MAP7: variants seen among roughly 807,000 people sequenced by gnomAD.
The protein encoded by MAP7 is microtubule associated protein 7.
MAP7 carries 52 observed loss-of-function variants against 94.8 expected under a neutral mutation model. The ratio of observed to expected loss-of-function variants is 0.55; its 90% CI spans 0.44 to 0.69. MAP7 has a LOEUF of 0.69. Among genes scored for constraint, MAP7 ranks in the 30% least tolerant of loss-of-function variants. The probability of loss-of-function intolerance (pLI) is 0.00; values close to 1 mark genes in which losing one functional copy is unlikely to be tolerated. For synonymous variants in MAP7, 350 were observed against 357.0 expected (o/e 0.98, Z 0.22); for missense variants, 940 against 964.6 (o/e 0.97, Z 0.34).
At chr6:136,435,294 G>A (rs1796094904) in intron 1 of MAP7, among the ~76,000 whole-genome samples, 3 of 152,110 alleles carry the variant, frequency 2.0e-5, no homozygotes, top group Admixed American at 2.0e-4. Context: ...TGCGTCCCAG[G>A]GGGCAAAGGG....
At chr6:136,374,280 G>T (rs1254504281) in intron 7 of MAP7, among the ~76,000 whole-genome samples, 1 of 152,168 alleles carries the variant, frequency 6.6e-6, no homozygotes, top group Non-Finnish European at 1.5e-5. Context: ...TGGGATCACA[G>T]GAAAAACTCT....
chr6:136,456,717 A>G (rs1316911399), intron 1 of MAP7, among the ~76,000 whole-genome samples: 3 of 147,834 alleles, frequency 2.0e-5, no homozygotes, highest in Non-Finnish European at 4.5e-5. Flanking sequence ...AGAAGAGGAG[A>G]AGAAAGAAGA....
In MAP7 at chr6:136,360,020, C is replaced by A. The variant is rs746304220; in HGVS notation, c.1815G>T (p.Glu605Asp). 16 of 1,612,596 alleles carry A rather than the reference C, an allele frequency of 9.9e-6. No homozygotes were observed. The highest frequency in any genetic ancestry group is 1.4e-5 in the Non-Finnish European group (16 of 1,179,604). The change falls in exon 14 of 18, where the codon GAG (glutamate) becomes GAT (aspartate). Residue 605 changes from glutamate (E) to aspartate (D), a missense_variant. Glu to Asp is a conservative substitution (Grantham distance 45). Coordinates refer to ENST00000354570, the MANE Select transcript of MAP7 (RefSeq NM_003980.6). Reference sequence around the variant, plus strand: ...CTGTTCTCCTGGTTCTTTTCATAATCTCCTCAAGTCGCTATAGGAAAGGAA... The same window carrying A: ...CTGTTCTCCTGGTTCTTTTCATAATATCCTCAAGTCGCTATAGGAAAGGAA... ...ERLERKKRLE[E>D]IMKRTRRTEA...
At chr6:136,529,835 G>T (rs1238243084) in intron 1 of MAP7, among the ~76,000 whole-genome samples, 4 of 152,294 alleles carry the variant, frequency 2.6e-5, no homozygotes, top group African/African-American at 9.6e-5. Flanking sequence ...ATAAATTTAT[G>T]TCTCTTTGTC....
chr6:136,479,276 G>C (rs1411293760), intron 1 of MAP7, among the ~76,000 whole-genome samples: 1 of 152,174 alleles, frequency 6.6e-6, no homozygotes, highest in African/African-American at 2.4e-5. Context: ...TATTTCAAGT[G>C]ATGCTGAAAA....
chr6:136,481,467 A>T (rs1210089847), intron 1 of MAP7, among the ~76,000 whole-genome samples: 1 of 152,262 alleles, frequency 6.6e-6, no homozygotes, highest in Admixed American at 6.5e-5. Flanking sequence ...TATTTGCTAC[A>T]ACATGGATGG....
chr6:136,361,129 C>A lies in MAP7; in HGVS notation c.1577G>T (p.Arg526Leu). 1 of 1,605,606 alleles carries A rather than the reference C, an allele frequency of 6.2e-7. No individual in the cohort carries two copies. The highest frequency in any genetic ancestry group is 1.3e-5 in the African/African-American group (1 of 75,072). The change falls in exon 12 of 18, where the codon CGC becomes CTC. Residue 526 changes from arginine (R) to leucine (L), a missense_variant. Transcript: ENST00000354570. ...AQRVAEERTT[R>L]REEESRRLEA... ...CAGCCTGCGCGACTCCTCCTCACGG[C>A]GAGTCGTCCTCTCTTCAGCCACACG...
chr6:136,412,186 G>A (rs1457327343), intron 2 of MAP7, among the ~76,000 whole-genome samples: 2 of 152,150 alleles, frequency 1.3e-5, no homozygotes, highest in Non-Finnish European at 2.9e-5. Flanking sequence ...AAGCTATGAG[G>A]TGTACTTTGA....
At chr6:136,362,369 C>T in intron 11 of MAP7, 81 bp downstream of exon 11, 1 of 1,536,972 alleles carries the variant, frequency 6.5e-7, no homozygotes, top group Non-Finnish European at 8.8e-7. Flanking sequence ...TCAGTATTAT[C>T]ACCTCCTCCC....
At chr6:136,540,296 G>T (rs994343537) in intron 1 of MAP7, among the ~76,000 whole-genome samples, 6 of 152,110 alleles carry the variant, frequency 3.9e-5, no homozygotes, top group African/African-American at 1.4e-4. Context: ...GTGATCAGAG[G>T]TCAGGGGTCA....
At chr6:136,409,808 C>A (rs932932112) in intron 3 of MAP7, among the ~76,000 whole-genome samples, 1 of 152,212 alleles carries the variant, frequency 6.6e-6, no homozygotes, top group African/African-American at 2.4e-5. Context: ...TGGGTGTCAA[C>A]CTTTATTCAT....
chr6:136,383,077 AT>A (rs1778241757), intron 6 of MAP7, among the ~76,000 whole-genome samples: 1 of 152,214 alleles, frequency 6.6e-6, no homozygotes, highest in Non-Finnish European at 1.5e-5. Flanking sequence ...ATAAAGGACT[AT>A]GAATATTAAA....
chr6:136,490,865 C>A (rs566016358), intron 1 of MAP7, among the ~76,000 whole-genome samples: 20 of 152,178 alleles, frequency 1.3e-4, no homozygotes, highest in Non-Finnish European at 2.6e-4. Flanking sequence ...GTCTGACAGG[C>A]CCTTGCCTGT....
At chr6:136,408,128 AAG>A in intron 3 of MAP7, among the ~76,000 whole-genome samples, 1 of 152,252 alleles carries the variant, frequency 6.6e-6, no homozygotes, top group East Asian at 1.9e-4. Flanking sequence ...AAAAGCTTAG[AAG>A]AGAGAGAGTG....
intron 12 of MAP7, 40 bp from the exon 13 acceptor site, chr6:136,360,838 C>T (rs753188327): frequency 7.5e-6 from 12 of 1,602,150 alleles, no homozygotes; most frequent in Non-Finnish European, 3.4e-6. Flanking sequence ...GACAAACAGG[C>T]GGGCTGCCCG....
intron 1 of MAP7, among the ~76,000 whole-genome samples, chr6:136,430,298 A>G (rs148879980): frequency 0.013 from 1,909 of 152,346 alleles, 14 homozygotes; most frequent in Non-Finnish European, 0.022. Flanking sequence ...GAAAACTAAA[A>G]TGGCTAATGC....
At chr6:136,459,859 C>A (rs549946724) in intron 1 of MAP7, among the ~76,000 whole-genome samples, 3 of 152,044 alleles carry the variant, frequency 2.0e-5, no homozygotes, top group Non-Finnish European at 4.4e-5. Flanking sequence ...GATCCTGTAT[C>A]GTACACTTTA....
rs561280865 is a variant in MAP7, at chr6:136,457,308, T to TA, written c.68-35510dup. The stretch of plus-strand genomic sequence containing the variant: ...ATAGTAAAGAGATTGAATCAGGAAT[T>TA]AAAAAAAAAAAAAATCCCGCCCCCA... On this transcript the variant is annotated intron_variant, in intron 1 of 17. Transcript: ENST00000354570. Among the ~76,000 whole-genome samples the TA allele has an allele frequency of 9.6e-3, 1,339 of 139,788 alleles. 6 individuals are homozygous for TA. The highest frequency in any genetic ancestry group is 0.042 in the East Asian group (202 of 4,852). 91.7% of individuals were successfully genotyped at this position (139,788 alleles called of 152,430 possible).
At chr6:136,451,320 C>A (rs1406178283) in intron 1 of MAP7, among the ~76,000 whole-genome samples, 2 of 152,234 alleles carry the variant, frequency 1.3e-5, no homozygotes, top group South Asian at 4.1e-4. Context: ...GCTAAATCTA[C>A]TCTGCCTGTG....
Sources: gnomAD v4.1 joint callset for allele counts (sites outside exome capture counted in the v4.1 genomes callset) on GRCh38, gnomAD v4.1.1 for gene constraint, MANE v1.5 for transcripts, NCBI Gene and HGNC (gene_info 2026-07-23, HGNC 2026-07-21) for gene names.